DAPK1: variants seen among roughly 807,000 people sequenced by gnomAD.
The protein encoded by DAPK1 is death associated protein kinase 1, also known as death-associated protein kinase 1.
A neutral mutation model predicts 144.9 loss-of-function variants in DAPK1; 56 were observed. That is an observed-to-expected ratio of 0.39 (90% CI 0.31 to 0.48). DAPK1 has a LOEUF of 0.48. Ranked by LOEUF, DAPK1 falls within the 20% of genes least tolerant of loss-of-function variation. DAPK1 has a pLI of 0.95. For synonymous variants in DAPK1, 690 were observed against 749.0 expected (o/e 0.92, Z 1.29); for missense variants, 1,454 against 1,875.4 (o/e 0.78, Z 4.15).
intron 2 of DAPK1, among the ~76,000 whole-genome samples, chr9:87,586,803 C>T (rs1210340097): frequency 1.3e-5 from 2 of 152,212 alleles, no homozygotes; most frequent in East Asian, 3.8e-4. Flanking sequence ...TCCTAAAAGT[C>T]ACTTTCTTCA....
chr9:87,705,511 G>C (rs1368143037), intron 25 of DAPK1, among the ~76,000 whole-genome samples: 1 of 152,032 alleles, frequency 6.6e-6, no homozygotes, highest in Admixed American at 6.6e-5. Context: ...CATGAGTCAC[G>C]GTGCCCAGCC....
chr9:87,643,597 T>C (rs1830170255), intron 11 of DAPK1, 129 bp downstream of exon 11: 1 of 646,508 alleles, frequency 1.5e-6, no homozygotes, highest in East Asian at 2.7e-5. Flanking sequence ...CTTGATCCCC[T>C]CGGAGGGGTT....
At position 87,645,916 on chromosome 9, in the gene DAPK1, A is replaced by C; in HGVS notation, c.1033A>C (p.Met345Leu). ...CAAGGATGAGGAAGACTCCTTTGTG[A>C]TGAAAGCCATCATCCATGCCATCAA... ...DTLDEEDSFV[M>L]KAIIHAINDD... Residue 345 changes from methionine (M) to leucine (L), a missense_variant, in exon 12 of 26, where the codon ATG becomes CTG. Around this residue, in one of 2 missense-constraint regions of DAPK1, gnomAD observed 429 missense variants for 637.5 expected, o/e 0.67. Coordinates refer to ENST00000408954, the MANE Select transcript of DAPK1 (RefSeq NM_004938.4). The C allele has an allele frequency of 1.9e-6, 3 of 1,614,112 alleles. No homozygotes were observed. The highest frequency in any genetic ancestry group is 2.5e-6 in the Non-Finnish European group (3 of 1,179,976).
intron 21 of DAPK1, among the ~76,000 whole-genome samples, chr9:87,695,843 A>T (rs1193004470): frequency 6.6e-6 from 1 of 152,186 alleles, no homozygotes; most frequent in Non-Finnish European, 1.5e-5. Flanking sequence ...AAATTCATGT[A>T]TATTTATTCA....
chr9:87,558,425 A>G (rs1169468104), intron 2 of DAPK1, among the ~76,000 whole-genome samples: 3 of 152,242 alleles, frequency 2.0e-5, no homozygotes, highest in Non-Finnish European at 4.4e-5. Context: ...ATCTAGTCGA[A>G]TAAGCTTTGC....
intron 18 of DAPK1, among the ~76,000 whole-genome samples, chr9:87,661,118 G>T (rs575645363): frequency 6.6e-6 from 1 of 152,188 alleles, no homozygotes; most frequent in African/African-American, 2.4e-5. Context: ...GATTACAGGC[G>T]TGAGCCACCA....
chr9:87,574,331 G>T (rs1827465975), intron 2 of DAPK1, among the ~76,000 whole-genome samples: 1 of 152,166 alleles, frequency 6.6e-6, no homozygotes, highest in Non-Finnish European at 1.5e-5. Flanking sequence ...ACACAGTGAA[G>T]ATCAAATATT....
intron 2 of DAPK1, among the ~76,000 whole-genome samples, chr9:87,551,078 G>A (rs1333126663): frequency 6.6e-6 from 1 of 152,200 alleles, no homozygotes; most frequent in Non-Finnish European, 1.5e-5. Context: ...CTTCAGTCTG[G>A]TGGAGACAGT....
intron 3 of DAPK1, chr9:87,632,266 T>C (rs1829719793): frequency 1.0e-6 from 1 of 983,442 alleles, no homozygotes; most frequent in African/African-American, 1.8e-5. Flanking sequence ...GATCAGTATA[T>C]ATGTAGGAAT....
At chr9:87,548,406 C>G (rs552660695) in intron 2 of DAPK1, among the ~76,000 whole-genome samples, 1 of 152,328 alleles carries the variant, frequency 6.6e-6, no homozygotes, top group East Asian at 1.9e-4. Flanking sequence ...TATATTTTCT[C>G]TCTCTCTTTT....
intron 11 of DAPK1, among the ~76,000 whole-genome samples, chr9:87,645,336 T>A (rs965049817): frequency 2.0e-5 from 3 of 152,236 alleles, no homozygotes; most frequent in African/African-American, 7.2e-5. Flanking sequence ...TTTTAATTTT[T>A]ATTTTTCTGT....
intron 2 of DAPK1, among the ~76,000 whole-genome samples, chr9:87,600,662 C>G (rs947977542): frequency 6.6e-6 from 1 of 152,224 alleles, no homozygotes. Context: ...ATAAGGATCA[C>G]TTGTACTGCT....
rs1825687231 is a variant in DAPK1, at chr9:87,707,541, T to C, written c.*177T>C. On this transcript the variant is annotated 3_prime_UTR_variant, in exon 26 of 26. Transcript: ENST00000408954. This position sits in a 1 kb window ranked among gnomAD's most constrained non-coding sequence, Gnocchi z 4.0. The stretch of plus-strand genomic sequence containing the variant: ...TGCCGCTACCTCCCTCCCCGTCTCA[T>C]TCCGTTGTCTGTGGATGGTCATTGC... 1.7e-6 allele frequency: 1 copy of C among 595,856 alleles called. No individual in the cohort carries two copies. The highest frequency in any genetic ancestry group is 3.0e-6 in the Non-Finnish European group (1 of 335,866). 36.9% of individuals were successfully genotyped at this position (595,856 alleles called of 1,614,324 possible).
At position 87,681,617 on chromosome 9, in the gene DAPK1, A is replaced by C. The variant is rs1824628758; in HGVS notation, c.2215A>C (p.Lys739Gln). ...SRFPPSPLAS[K>Q]PTVSVSINNL... Reference sequence around the variant, plus strand: ...GTTCCCACCTTCACCCCTGGCTTCTAAGCCCACAGGTAGGAACCTCCATGC... The same window carrying C: ...GTTCCCACCTTCACCCCTGGCTTCTCAGCCCACAGGTAGGAACCTCCATGC... Residue 739 changes from lysine to glutamine, a missense_variant, in exon 20 of 26, where the codon AAG becomes CAG. By Grantham distance (53) the Lys-to-Gln change is moderately conservative (BLOSUM62 1). Transcript: ENST00000408954. 1.3e-6 allele frequency: 2 copies of C among 1,566,988 alleles called. No homozygotes were observed. The highest frequency in any genetic ancestry group is 1.8e-6 in the Non-Finnish European group (2 of 1,137,210).
intron 3 of DAPK1, among the ~76,000 whole-genome samples, chr9:87,606,077 C>A (rs906171349): frequency 9.9e-5 from 15 of 152,220 alleles, no homozygotes; most frequent in Non-Finnish European, 2.2e-4. Flanking sequence ...CTCTTGAATT[C>A]AGATTTGCCC....
chr9:87,569,683 G>T (rs1201445789), intron 2 of DAPK1, among the ~76,000 whole-genome samples: 1 of 152,042 alleles, frequency 6.6e-6, no homozygotes, highest in African/African-American at 2.4e-5. Flanking sequence ...GGGTGCATCC[G>T]GGTGTGTAGC....
rs1251498749 is a variant in DAPK1, at chr9:87,507,360, G to C, written c.62+8221G>C. 2.6e-5 allele frequency among the ~76,000 whole-genome samples: 4 copies of C among 152,144 alleles called. No individual in the cohort carries two copies. In the East Asian group the frequency reaches 7.7e-4, roughly 29 times the overall value. ...CCCAAGTAGCTGGGATTACAGGCAT[G>C]CACCACCACGCCTGGCTAATTTTGT... On this transcript the variant is annotated intron_variant, in intron 2 of 25. Coordinates refer to ENST00000408954, the MANE Select transcript of DAPK1 (RefSeq NM_004938.4).
rs1208746256 is a variant in DAPK1 at position 87,671,338 on chromosome 9, A to AACTATT, written c.2001+2667_2001+2672dup. Reference sequence around the variant, plus strand: ...AGATTTTTAAAAGAGATGGGAAGTGAACTATTACAGCTATAAAATACAAAA... The same window carrying AACTATT: ...AGATTTTTAAAAGAGATGGGAAGTGAACTATTACTATTACAGCTATAAAATACAAAA... On this transcript the variant is annotated intron_variant, in intron 19 of 25. Transcript: ENST00000408954. 7.2e-5 allele frequency among the ~76,000 whole-genome samples: 11 copies of AACTATT among 152,198 alleles called. No individual in the cohort carries two copies. The South Asian group carries it at 2.1e-3, about 29-fold the overall frequency.
intron 21 of DAPK1, among the ~76,000 whole-genome samples, chr9:87,693,507 C>T (rs892092477): frequency 4.0e-5 from 6 of 151,862 alleles, no homozygotes; most frequent in Non-Finnish European, 8.8e-5. Context: ...TCTCTTGTAC[C>T]TCACTGAACT....
Sources: gnomAD v4.1 joint callset for allele counts (sites outside exome capture counted in the v4.1 genomes callset) on GRCh38, gnomAD v4.1.1 for gene constraint, gnomAD v4.1.1 regional missense constraint, Gnocchi (gnomAD v3.1) non-coding constraint, MANE v1.5 for transcripts, NCBI Gene and HGNC (gene_info 2026-07-23, HGNC 2026-07-21) for gene names.